The following ENTPD5 variants were observed in gnomAD, a reference collection of about 807,000 sequenced individuals.
ENTPD5 encodes ectonucleoside triphosphate diphosphohydrolase 5 (inactive), also known as nucleoside diphosphate phosphatase ENTPD5.
In ENTPD5, 49 loss-of-function variants were observed where a neutral mutation model predicts 60.2. That is an observed-to-expected ratio of 0.81 (90% confidence interval 0.65 to 1.03). The LOEUF (loss-of-function observed/expected upper bound fraction) is 1.03. Among genes scored for constraint, ENTPD5 ranks in the 50% least tolerant of loss-of-function variants. The pLI, the probability that ENTPD5 is intolerant of heterozygous loss-of-function variation, is 0.00. For synonymous variants in ENTPD5, 187 were observed against 185.4 expected, an observed-to-expected ratio of 1.01 and a Z score of -0.07; for missense variants, 480 against 507.6, an observed-to-expected ratio of 0.95 and a Z score of 0.52.
downstream of ENTPD5, chr14:73,962,935 G>GT (rs2056819137): frequency 6.5e-7 from 1 of 1,538,210 alleles, no homozygotes; most frequent in African/African-American, 1.4e-5. Context: ...ACCTTACTGT[G>GT]TTAAGAGTTT....
intron 13 of ENTPD5, 49 bp downstream of exon 13, chr14:73,972,835 A>G (rs1371663781): frequency 6.2e-7 from 1 of 1,602,354 alleles, no homozygotes. Context: ...CTTCCCCACC[A>G]CAGCCCTATC....
intron 3 of ENTPD5, among the ~76,000 whole-genome samples, chr14:73,994,441 A>G (rs2058262027): frequency 6.6e-6 from 1 of 151,874 alleles, no homozygotes; most frequent in East Asian, 2.0e-4. Context: ...AAGCCATTTT[A>G]AAATAACTAA....
intron 9 of ENTPD5, 110 bp from the exon 10 acceptor site, chr14:73,976,125 G>A (rs1194413039): frequency 1.2e-5 from 11 of 955,696 alleles, no homozygotes; most frequent in African/African-American, 1.1e-4. Context: ...GACAGATTAA[G>A]GGGCTAATCT....
chr14:74,000,177 C>T (rs895322748), intron 3 of ENTPD5, among the ~76,000 whole-genome samples: 4 of 151,680 alleles, frequency 2.6e-5, no homozygotes, highest in Non-Finnish European at 5.9e-5. Context: ...ACATTTGAGA[C>T]CAGGCACAGT....
intron 3 of ENTPD5, among the ~76,000 whole-genome samples, chr14:74,000,105 A>C (rs1050666810): frequency 2.7e-5 from 4 of 147,214 alleles, no homozygotes; most frequent in African/African-American, 9.9e-5. Flanking sequence ...AAAAAAAAAA[A>C]GGTAAAGGAA....
chr14:73,981,289 A>G (rs1408463283), intron 6 of ENTPD5, among the ~76,000 whole-genome samples: 1 of 151,846 alleles, frequency 6.6e-6, no homozygotes, highest in Non-Finnish European at 1.5e-5. Flanking sequence ...GTTTGAGGCC[A>G]GGAGTTTGAG....
intron 12 of ENTPD5, among the ~76,000 whole-genome samples, chr14:73,973,500 T>G (rs941322793): frequency 6.6e-6 from 1 of 152,234 alleles, no homozygotes; most frequent in Non-Finnish European, 1.5e-5. Context: ...AATATGCTTC[T>G]TAATTAATTT....
intron 6 of ENTPD5, among the ~76,000 whole-genome samples, chr14:73,978,421 T>C (rs1165921043): frequency 6.6e-6 from 1 of 151,778 alleles, no homozygotes; most frequent in East Asian, 1.9e-4. Flanking sequence ...CTGGCCAACA[T>C]GATGAAACCC....
At chr14:73,963,034 A>G (rs1594822079), downstream of ENTPD5, 2 of 1,529,012 alleles carry the variant, frequency 1.3e-6, no homozygotes, top group East Asian at 2.3e-5. Context: ...ACGTTGATGA[A>G]AAAGAACATC....
downstream of ENTPD5, chr14:73,960,510 C>T (rs549232602): frequency 1.9e-3 from 1,918 of 995,722 alleles, 2 homozygotes; most frequent in Non-Finnish European, 2.2e-3. Context: ...AAATGGATTC[C>T]GAGATAAATG....
chr14:73,985,262 T>C (rs1353025933), intron 5 of ENTPD5, among the ~76,000 whole-genome samples: 1 of 152,152 alleles, frequency 6.6e-6, no homozygotes, highest in Non-Finnish European at 1.5e-5. Context: ...TACCGAGTAA[T>C]GGGATGGCTG....
intron 3 of ENTPD5, among the ~76,000 whole-genome samples, chr14:73,991,479 T>C (rs1251764641): frequency 2.6e-5 from 4 of 151,598 alleles, no homozygotes; most frequent in Admixed American, 2.6e-4. Context: ...TCCCAGCTAC[T>C]CAGGAGGCTG....
rs1418634838 is a variant in ENTPD5 at position 74,014,632 on chromosome 14, TA to T, written c.-131+1191del. Among the ~76,000 whole-genome samples the T allele has an allele frequency of 3.9e-5, 6 of 152,228 alleles. No individual in the cohort carries two copies. The East Asian group carries it at 1.2e-3, about 29-fold the overall frequency. On this transcript the variant is annotated intron_variant, in intron 2 of 15. Coordinates refer to ENST00000334696, the MANE Select transcript of ENTPD5 (RefSeq NM_001249.5). The stretch of plus-strand genomic sequence containing the variant: ...TAAAACATTGAATGTTTTAAATTTT[TA>T]AAAATTTATCTAAAAGTGATAAGAT...
chr14:73,988,238 ACACT>A (rs1320984823), intron 3 of ENTPD5, 66 bp from the exon 4 acceptor site: 14 of 1,406,282 alleles, frequency 1.0e-5, no homozygotes, highest in African/African-American at 8.7e-5. Context: ...AAAAGAAGAA[ACACT>A]CACTCCTGGG....
chr14:73,963,877 ATTC>A lies in ENTPD5; in HGVS notation c.*3048_*3050del, dbSNP rs907826160. ...AGTCTGCTTTTGAACCAAGTAAGGT[ATTC>A]TTGGGAATAATTTTTAGAGCCATGA... On this transcript the variant is annotated 3_prime_UTR_variant, in exon 16 of 16. Coordinates refer to ENST00000334696, the MANE Select transcript of ENTPD5 (RefSeq NM_001249.5). 6.6e-6 allele frequency: 1 copy of A among 152,246 alleles called. No homozygotes were observed. Among genetic ancestry groups the A allele is most frequent in the Non-Finnish European group, 1.5e-5 (1 of 68,040 alleles). The allele number at this position is 152,246 out of a possible 1,614,324, so 9.4% of individuals were successfully genotyped here.
chr14:73,959,653 TC>T (rs1322005351), downstream of ENTPD5: 83 of 1,510,140 alleles, frequency 5.5e-5, no homozygotes, highest in Non-Finnish European at 7.0e-5. Context: ...CTGTGCAATC[TC>T]CGCCTCCCGG....
chr14:73,983,258 A>C lies in ENTPD5; in HGVS notation c.298-97T>G, dbSNP rs2057765511. ...ATACTTTGTGGGAGCAAGAAGAGGG[A>C]GGTGGCATAGGGCTCCAACCTCTCT... is the stretch of plus-strand genomic sequence containing the variant. On this transcript the variant is annotated intron_variant, in intron 5 of 15. Coordinates refer to ENST00000334696, the MANE Select transcript of ENTPD5 (RefSeq NM_001249.5). 3.1e-6 allele frequency: 4 copies of C among 1,287,842 alleles called. No homozygotes were observed. The East Asian group carries it at 9.5e-5, about 31-fold the overall frequency. The allele number at this position is 1,287,842 out of a possible 1,614,324, so 79.8% of individuals were successfully genotyped here. A position where few individuals can be genotyped will look rare whatever the true frequency, so the allele number is the denominator to read the frequency against.
chr14:73,976,194 CT>C, intron 9 of ENTPD5, 129 bp downstream of exon 9: 1 of 859,494 alleles, frequency 1.2e-6, no homozygotes, highest in Non-Finnish European at 1.9e-6. Flanking sequence ...GAACATTCAC[CT>C]AGTTATTAAT....
At chr14:73,970,928 C>T (rs112494341) in intron 14 of ENTPD5, among the ~76,000 whole-genome samples, 1 of 151,726 alleles carries the variant, frequency 6.6e-6, no homozygotes, top group Admixed American at 6.6e-5. Flanking sequence ...TGGGTTCACA[C>T]GATCCTCCTG....
Sources: gnomAD v4.1 joint callset for allele counts (sites outside exome capture counted in the v4.1 genomes callset) on GRCh38, gnomAD v4.1.1 for gene constraint, MANE v1.5 for transcripts, NCBI Gene and HGNC (gene_info 2026-07-23, HGNC 2026-07-21) for gene names.